The following CDH19 variants were observed in gnomAD, a reference collection of about 807,000 sequenced individuals.
CDH19 encodes the protein cadherin-19.
In CDH19, 67 loss-of-function variants were observed where a neutral mutation model predicts 64.2. That is an observed-to-expected ratio of 1.04 (90% CI 0.86 to 1.28). CDH19 has a LOEUF of 1.28. Among genes scored for constraint, CDH19 ranks in the 50% most tolerant of loss-of-function variants. The pLI is 0.00. For missense variants in CDH19, 1,030 were observed against 929.0 expected (o/e 1.11, Z -1.41); for synonymous variants, 346 against 319.3 (o/e 1.08, Z -0.89).
chr18:66,548,039 TTA>T (rs1987195544), intron 5 of CDH19, among the ~76,000 whole-genome samples: 1 of 147,246 alleles, frequency 6.8e-6, no homozygotes, highest in African/African-American at 2.5e-5. Flanking sequence ...TATATGTGTA[TTA>T]TATATATTAT....
At chr18:66,597,235 A>C (rs1988923869) in intron 1 of CDH19, among the ~76,000 whole-genome samples, 1 of 149,602 alleles carries the variant, frequency 6.7e-6, no homozygotes, top group Non-Finnish European at 1.5e-5. Flanking sequence ...ACAGTAATTA[A>C]AACAGTATGG....
At chr18:66,556,457 T>G (rs1272025167) in intron 3 of CDH19, among the ~76,000 whole-genome samples, 2 of 151,786 alleles carry the variant, frequency 1.3e-5, no homozygotes, top group Non-Finnish European at 2.9e-5. Flanking sequence ...ACACATTATT[T>G]TATTCTCTAT....
intron 9 of CDH19, among the ~76,000 whole-genome samples, chr18:66,523,395 T>A (rs1044621597): frequency 2.6e-5 from 4 of 152,136 alleles, no homozygotes; most frequent in African/African-American, 9.7e-5. Flanking sequence ...GAAAGCCTTC[T>A]CCCTGGGACC....
At chr18:66,558,396 C>G (rs2144536787) in intron 3 of CDH19, among the ~76,000 whole-genome samples, 1 of 151,552 alleles carries the variant, frequency 6.6e-6, no homozygotes, top group East Asian at 1.9e-4. Context: ...ATTATTGACA[C>G]CATGATTTAT....
intron 3 of CDH19, among the ~76,000 whole-genome samples, chr18:66,562,986 A>G: frequency 6.6e-6 from 1 of 152,098 alleles, no homozygotes; most frequent in East Asian, 1.9e-4. Context: ...AGAGGATGAA[A>G]CTATTCTCAT....
At chr18:66,582,744 TC>T (rs1988462323) in intron 1 of CDH19, among the ~76,000 whole-genome samples, 2 of 150,882 alleles carry the variant, frequency 1.3e-5, no homozygotes, top group African/African-American at 4.9e-5. Context: ...TACACAGCCT[TC>T]CACATTCACT....
At chr18:66,511,811 C>A (rs1598967611) in intron 9 of CDH19, 126 bp from the exon 10 acceptor site, 1 of 642,108 alleles carries the variant, frequency 1.6e-6, no homozygotes, top group Non-Finnish European at 2.8e-6. Context: ...CAGAAAATAA[C>A]TGTCAAATCA....
chr18:66,530,376 T>A lies in CDH19; in HGVS notation c.1337-410A>T, dbSNP rs1025894329. Among the ~76,000 whole-genome samples the A allele has an allele frequency of 3.3e-5, 5 of 152,228 alleles. No individual in the cohort carries two copies. The East Asian group carries it at 5.8e-4, about 18-fold the overall frequency. ...TTACGGATAAAAAATTGATAAACCATTTAGTTTCAAAAATTACAGTTAAAT... is the reference window on the plus strand; with the variant it reads ...TTACGGATAAAAAATTGATAAACCAATTAGTTTCAAAAATTACAGTTAAAT... On this transcript the variant is annotated intron_variant, in intron 8 of 11. Transcript: ENST00000262150.
chr18:66,560,918 G>A (rs901616597), intron 3 of CDH19, among the ~76,000 whole-genome samples: 14 of 151,992 alleles, frequency 9.2e-5, no homozygotes, highest in African/African-American at 3.4e-4. Context: ...CTGGAAATAG[G>A]TATTTCTAAC....
rs768599786 is a variant in CDH19, at chr18:66,568,563, A to C, written c.343T>G (p.Leu115Val). The change falls in exon 3 of 12, where the codon TTA (leucine) becomes GTA (valine). Residue 115 changes from leucine to valine, a missense_variant. Coordinates refer to ENST00000262150, the MANE Select transcript of CDH19 (RefSeq NM_021153.4). ...GCGATGTCTATTACCTGGGCTCTTA[A>C]GATGTAGAGGGATCGCTCCTCTCTA... ...LDREERSLYI[L>V]RAQVIDIATG... The C allele has an allele frequency of 9.9e-6, 16 of 1,612,240 alleles. No individual in the cohort carries two copies. The highest frequency in any genetic ancestry group is 2.2e-5 in the East Asian group (1 of 44,820).
chr18:66,546,805 G>T (rs2144498272), intron 5 of CDH19, among the ~76,000 whole-genome samples: 1 of 152,232 alleles, frequency 6.6e-6, no homozygotes, highest in Middle Eastern at 3.4e-3. Context: ...ATTTCAAGAA[G>T]AGGAAAAGCC....
In CDH19 at chr18:66,544,050, C is replaced by T; in HGVS notation, c.1135G>A (p.Val379Ile). ...GATCCCTGTGGGGTTTCTTCAAAAA[C>T]TTCAAATACATAATATGGAAGGAGG... is the stretch of plus-strand genomic sequence containing the variant. Reference protein sequence around the residue: ...LFLLPYYVFEVFEETPQGSFV... With the variant: ...LFLLPYYVFEIFEETPQGSFV... Residue 379 changes from valine (V) to isoleucine (I), a missense_variant, in exon 7 of 12, where the codon GTT (valine) becomes ATT (isoleucine). Transcript: ENST00000262150. 1 of 1,613,850 alleles carries T rather than the reference C, an allele frequency of 6.2e-7. No individual in the cohort carries two copies. The highest frequency in any genetic ancestry group is 8.5e-7 in the Non-Finnish European group (1 of 1,179,800).
chr18:66,574,244 AT>A lies in CDH19; in HGVS notation c.-112-1929del, dbSNP rs140722748. The stretch of plus-strand genomic sequence containing the variant: ...TTCAGTATGTTTCTTTATCCTCCAT[AT>A]TTTTTATAAATGTTTAGGGGCTTGA... On this transcript the variant is annotated intron_variant, in intron 1 of 11. Coordinates refer to ENST00000262150, the MANE Select transcript of CDH19 (RefSeq NM_021153.4). 8.4e-3 allele frequency among the ~76,000 whole-genome samples: 1,276 copies of A among 151,614 alleles called. 29 individuals are homozygous for A. Among genetic ancestry groups the A allele is most frequent in the African/African-American group, 0.029 (1,210 of 41,424 alleles).
chr18:66,535,136 A>G (rs1568183836), intron 7 of CDH19, 29 bp from the exon 8 acceptor site: 14 of 1,356,346 alleles, frequency 1.0e-5, no homozygotes, highest in Non-Finnish European at 1.4e-5. Context: ...ATACCTTAAT[A>G]TTTTTATTCT....
chr18:66,504,813 T>C lies in CDH19; in HGVS notation c.2318A>G (p.Ter773TrpextTer19). ...MFGSAVQSNN[*>W] is the part of the protein sequence containing the mutation. ...TAAAAATTTTGATGGTAAAAAGCCC[T>C]AATTATTTGACTGCACTGCAGAACC... Residue 773 changes from the stop codon to tryptophan (W), a stop_lost, in exon 12 of 12, where the codon TAG becomes TGG. Coordinates refer to ENST00000262150, the MANE Select transcript of CDH19 (RefSeq NM_021153.4). The C allele has an allele frequency of 6.3e-7, 1 of 1,590,066 alleles. No individual in the cohort carries two copies.
chr18:66,600,448 C>G (rs1023367883), intron 1 of CDH19, among the ~76,000 whole-genome samples: 8 of 151,720 alleles, frequency 5.3e-5, no homozygotes, highest in Admixed American at 4.6e-4. Flanking sequence ...AAAAAAATCT[C>G]AATGACATGA....
intron 1 of CDH19, chr18:66,596,105 T>C (rs888932898): frequency 6.6e-6 from 1 of 152,106 alleles, no homozygotes; most frequent in African/African-American, 2.4e-5. Context: ...TCTGATAACA[T>C]TTAATATCTC....
intron 7 of CDH19, among the ~76,000 whole-genome samples, chr18:66,540,970 C>A (rs1434564066): frequency 1.3e-5 from 2 of 152,038 alleles, no homozygotes; most frequent in Non-Finnish European, 2.9e-5. Flanking sequence ...CCATACAAGG[C>A]TCCTTAAAAC....
chr18:66,556,159 T>G (rs2144528735), intron 3 of CDH19, among the ~76,000 whole-genome samples: 1 of 151,610 alleles, frequency 6.6e-6, no homozygotes, highest in East Asian at 1.9e-4. Context: ...AAAATAAATT[T>G]TATTATATAT....
Sources: allele counts gnomAD v4.1 joint callset (sites outside exome capture counted in the v4.1 genomes callset), GRCh38; gene constraint gnomAD v4.1.1; transcripts MANE v1.5; gene names NCBI Gene and HGNC (gene_info 2026-07-23, HGNC 2026-07-21).